Variants in GLRA2 observed in about 807,000 individuals in gnomAD.
GLRA2 encodes the protein glycine receptor alpha 2.
A neutral mutation model predicts 31.6 loss-of-function variants in GLRA2; 11 were observed. That is an observed-to-expected ratio of 0.35 (90% confidence interval 0.22 to 0.58). GLRA2 has a LOEUF of 0.58. GLRA2 is among the 20% of genes least tolerant of loss of function. GLRA2 has a pLI of 0.84. For missense variants in GLRA2, 212 were observed against 351.8 expected, an observed-to-expected ratio of 0.60 and a Z score of 3.18; for synonymous variants, 132 against 134.0, an observed-to-expected ratio of 0.99 and a Z score of 0.10.
the GLRA2 span, among the ~76,000 whole-genome samples, chrX:14,480,056 G>A: frequency 9.0e-6 from 1 of 111,145 alleles, no homozygotes; most frequent in Admixed American, 9.6e-5. Context: ...TTTAATAATA[G>A]CCACTCTGAC....
the GLRA2 span, among the ~76,000 whole-genome samples, chrX:14,492,844 G>T: frequency 8.9e-6 from 1 of 111,832 alleles, no homozygotes; most frequent in African/African-American, 3.2e-5. Flanking sequence ...CTGAAGTCTG[G>T]GAAGTCCAAG....
At chrX:14,619,600 AATCTT>A (rs1329637546) in intron 7 of GLRA2, among the ~76,000 whole-genome samples, 2 of 110,199 alleles carry the variant, frequency 1.8e-5, no homozygotes, top group South Asian at 3.9e-4. Context: ...TCCTTATTCA[AATCTT>A]ATCTTCTCAG....
chrX:14,606,911 A>C (rs1198555812), intron 5 of GLRA2, among the ~76,000 whole-genome samples: 1 of 112,230 alleles, frequency 8.9e-6, no homozygotes, highest in Non-Finnish European at 1.9e-5. Flanking sequence ...ATTACACAGA[A>C]AAAAAATCCA....
the GLRA2 span, among the ~76,000 whole-genome samples, chrX:14,489,188 G>A: frequency 1.8e-5 from 2 of 111,829 alleles, no homozygotes. Flanking sequence ...TTTTTGAATT[G>A]ATAGTCATTT....
intron 2 of GLRA2, among the ~76,000 whole-genome samples, chrX:14,562,788 A>C (rs890014677): frequency 9.0e-6 from 1 of 111,458 alleles, no homozygotes; most frequent in African/African-American, 3.3e-5. Context: ...GCCAACCCTC[A>C]CTTAAACTTA....
the GLRA2 span, among the ~76,000 whole-genome samples, chrX:14,488,784 C>T: frequency 1.8e-5 from 2 of 112,289 alleles, no homozygotes; most frequent in African/African-American, 6.5e-5. Flanking sequence ...TAACAAGAAC[C>T]ATCATAAAAT....
intron 8 of GLRA2, among the ~76,000 whole-genome samples, chrX:14,728,771 C>G (rs1368800737): frequency 8.9e-6 from 1 of 112,395 alleles, no homozygotes; most frequent in Non-Finnish European, 1.9e-5. Flanking sequence ...GGGTACTACA[C>G]TAATTTAGCT....
chrX:14,505,843 T>A, the GLRA2 span, among the ~76,000 whole-genome samples: 2 of 111,601 alleles, frequency 1.8e-5, no homozygotes, highest in Non-Finnish European at 3.8e-5. Context: ...GTACACCCAA[T>A]TCTGCCCCCA....
chrX:14,586,011 G>A (rs1029624882), intron 4 of GLRA2, among the ~76,000 whole-genome samples: 1 of 111,963 alleles, frequency 8.9e-6, no homozygotes, highest in Non-Finnish European at 1.9e-5. Context: ...CTTTGTAGGT[G>A]TAGGGGTAGA....
intron 4 of GLRA2, among the ~76,000 whole-genome samples, chrX:14,596,260 T>C (rs1381464086): frequency 3.6e-5 from 4 of 111,667 alleles, no homozygotes; most frequent in Admixed American, 9.5e-5. Flanking sequence ...TTTTGGCCTT[T>C]GCACACTGGC....
At chrX:14,531,140 A>AT (rs1196296963) in intron 1 of GLRA2, 2 of 929,163 alleles carry the variant, frequency 2.2e-6, no homozygotes, top group South Asian at 4.1e-5. Flanking sequence ...TCATAATCAA[A>AT]TAATACTTGA....
chrX:14,456,430 A>T, the GLRA2 span, among the ~76,000 whole-genome samples: 2 of 111,512 alleles, frequency 1.8e-5, no homozygotes, highest in South Asian at 7.6e-4. Flanking sequence ...TATTAGGTCT[A>T]CAGTGCTACA....
At chrX:14,469,455 A>G in the GLRA2 span, among the ~76,000 whole-genome samples, 1 of 108,720 alleles carries the variant, frequency 9.2e-6, no homozygotes, top group Non-Finnish European at 1.9e-5. Context: ...CAAATGTCCA[A>G]CAATGATAGA....
At chrX:14,725,523 G>A (rs1301938381) in intron 8 of GLRA2, among the ~76,000 whole-genome samples, 1 of 112,015 alleles carries the variant, frequency 8.9e-6, no homozygotes, top group Non-Finnish European at 1.9e-5. Flanking sequence ...AAATCTGGGT[G>A]AGAAATGCGA....
chrX:14,559,292 G>C (rs768014368), intron 2 of GLRA2, among the ~76,000 whole-genome samples: 2 of 111,507 alleles, frequency 1.8e-5, no homozygotes, highest in Non-Finnish European at 3.8e-5. Flanking sequence ...CAAACAAGCT[G>C]AATGCAGTAA....
chrX:14,551,929 A>G (rs925053591), intron 2 of GLRA2, among the ~76,000 whole-genome samples: 2 of 112,237 alleles, frequency 1.8e-5, no homozygotes, highest in African/African-American at 6.5e-5. Context: ...TTCCTTCAGA[A>G]CTAAGGAGAA....
intron 7 of GLRA2, among the ~76,000 whole-genome samples, chrX:14,645,604 A>C (rs12388989): frequency 0.25 from 27,722 of 110,600 alleles, 2,738 homozygotes; most frequent in Non-Finnish European, 0.31. Flanking sequence ...CAAACAAAAC[A>C]CAACTCTAAA....
chrX:14,494,363 C>T, the GLRA2 span, among the ~76,000 whole-genome samples: 1 of 111,942 alleles, frequency 8.9e-6, no homozygotes, highest in Non-Finnish European at 1.9e-5. Context: ...ATTTTTCTAA[C>T]AAGAGTTTCC....
chrX:14,490,795 G>A, the GLRA2 span, among the ~76,000 whole-genome samples: 1 of 111,640 alleles, frequency 9.0e-6, no homozygotes, highest in Non-Finnish European at 1.9e-5. Flanking sequence ...AGTGTATGGG[G>A]GAAAAACTTT....
Sources: allele counts gnomAD v4.1 joint callset (sites outside exome capture counted in the v4.1 genomes callset), GRCh38; gene constraint gnomAD v4.1.1; transcripts MANE v1.5; gene names NCBI Gene and HGNC (gene_info 2026-07-23, HGNC 2026-07-21).